PBX3: variants seen among roughly 807,000 people sequenced by gnomAD.
PBX3 encodes the protein pre-B-cell leukemia transcription factor 3.
PBX3 carries 14 observed loss-of-function variants against 48.5 expected under a neutral mutation model. The observed-to-expected ratio is 0.29, with a 90% CI of 0.19 to 0.45. The LOEUF (loss-of-function observed/expected upper bound fraction) is 0.45. PBX3 is among the 20% of genes least tolerant of loss of function. The pLI is 1.00. For missense variants in PBX3, 386 were observed against 546.7 expected (o/e 0.71, Z 2.93); for synonymous variants, 210 against 200.3 (o/e 1.05, Z -0.41).
chr9:125,857,382 G>A (rs751501972), intron 2 of PBX3, among the ~76,000 whole-genome samples: 5 of 152,046 alleles, frequency 3.3e-5, no homozygotes, highest in East Asian at 3.9e-4. Context: ...GGAGCATTTC[G>A]AATTTCAGAT....
chr9:125,820,660 T>C (rs1339225408), intron 2 of PBX3, among the ~76,000 whole-genome samples: 9 of 152,224 alleles, frequency 5.9e-5, no homozygotes, highest in Admixed American at 1.3e-4. Flanking sequence ...CAGAAGACAG[T>C]GATATAAATC....
intron 2 of PBX3, among the ~76,000 whole-genome samples, chr9:125,777,110 C>G (rs1482261959): frequency 1.3e-5 from 2 of 150,504 alleles, no homozygotes; most frequent in East Asian, 4.0e-4. Flanking sequence ...CTCCCAGGTT[C>G]AAGCGATTCT....
At chr9:125,945,134 G>A (rs113354797) in intron 5 of PBX3, among the ~76,000 whole-genome samples, 7,218 of 152,116 alleles carry the variant, frequency 0.047, 274 homozygotes, top group South Asian at 0.13. Flanking sequence ...TGAGGCAGGA[G>A]AATTGCTTGA....
At chr9:125,937,566 A>G (rs910753567) in intron 5 of PBX3, among the ~76,000 whole-genome samples, 1 of 152,232 alleles carries the variant, frequency 6.6e-6, no homozygotes, top group African/African-American at 2.4e-5. Flanking sequence ...AGAATTTCAG[A>G]AATAAGTTAT....
At position 125,899,450 on chromosome 9, in the gene PBX3, T is replaced by TAGAG. The variant is rs1345619408; in HGVS notation, c.275-16235_275-16234insGAGA. On this transcript the variant is annotated intron_variant, in intron 2 of 8. Transcript: ENST00000373489. ...GTCTATATATATGTGTGTATATATA[T>TAGAG]ATATAGAGAGAGAGAGAGAGAGAGA... Among the ~76,000 whole-genome samples the TAGAG allele has an allele frequency of 5.5e-4, 44 of 79,334 alleles. 1 individual carries two copies. Among genetic ancestry groups the TAGAG allele is most frequent in the African/African-American group, 1.9e-3 (33 of 17,572 alleles). 52.0% of individuals were successfully genotyped at this position (79,334 alleles called of 152,430 possible). A position where few individuals can be genotyped will look rare whatever the true frequency, so the allele number is the denominator to read the frequency against.
chr9:125,931,441 G>A (rs1841712046), intron 4 of PBX3, among the ~76,000 whole-genome samples: 1 of 152,032 alleles, frequency 6.6e-6, no homozygotes, highest in Non-Finnish European at 1.5e-5. Context: ...TAGCTGGGAG[G>A]CATTTGCCAC....
intron 2 of PBX3, among the ~76,000 whole-genome samples, chr9:125,753,380 C>T (rs1836427357): frequency 6.7e-6 from 1 of 150,318 alleles, no homozygotes; most frequent in African/African-American, 2.5e-5. Context: ...TTTTCTACTT[C>T]TTTATTCTTC....
At chr9:125,851,996 T>C (rs1839596126) in intron 2 of PBX3, among the ~76,000 whole-genome samples, 2 of 151,946 alleles carry the variant, frequency 1.3e-5, no homozygotes, top group African/African-American at 4.8e-5. Context: ...AGTTTAAAAT[T>C]CCCAAATGTG....
intron 2 of PBX3, among the ~76,000 whole-genome samples, chr9:125,766,227 C>T (rs935404703): frequency 6.6e-6 from 1 of 151,928 alleles, no homozygotes; most frequent in Non-Finnish European, 1.5e-5. Context: ...ATACTATATT[C>T]TTCTAATTCT....
At chr9:125,793,926 G>A (rs1469038392) in intron 2 of PBX3, among the ~76,000 whole-genome samples, 1 of 152,112 alleles carries the variant, frequency 6.6e-6, no homozygotes, top group Non-Finnish European at 1.5e-5. Context: ...TTTCCATTAT[G>A]AAGATTTAAA....
At chr9:125,764,323 C>A (rs1836748318) in intron 2 of PBX3, among the ~76,000 whole-genome samples, 1 of 152,210 alleles carries the variant, frequency 6.6e-6, no homozygotes, top group Non-Finnish European at 1.5e-5. Context: ...ATAATGAATT[C>A]TTCATCTGTG....
intron 2 of PBX3, among the ~76,000 whole-genome samples, chr9:125,873,979 A>T (rs1840188170): frequency 6.6e-6 from 1 of 152,156 alleles, no homozygotes; most frequent in Non-Finnish European, 1.5e-5. Flanking sequence ...AAGAAGGAAA[A>T]GATGCAGAGA....
intron 2 of PBX3, chr9:125,749,554 T>C (rs1422392865): frequency 6.6e-6 from 1 of 150,790 alleles, no homozygotes; most frequent in Non-Finnish European, 1.5e-5. Flanking sequence ...TCCTGTTCTT[T>C]TCTTTCTTTT....
intron 2 of PBX3, among the ~76,000 whole-genome samples, chr9:125,876,802 CTTT>C (rs59596389): frequency 0.04 from 5,176 of 128,878 alleles, 205 homozygotes; most frequent in East Asian, 0.17. Flanking sequence ...TTCTTTCTTT[CTTT>C]TTTTTTTTTT....
chr9:125,789,846 G>A (rs921218234), intron 2 of PBX3, among the ~76,000 whole-genome samples: 3 of 152,094 alleles, frequency 2.0e-5, no homozygotes, highest in African/African-American at 7.2e-5. Context: ...TTCCTAAAAA[G>A]TAAGAATTTA....
At chr9:125,851,745 T>G (rs1839585361) in intron 2 of PBX3, among the ~76,000 whole-genome samples, 1 of 152,134 alleles carries the variant, frequency 6.6e-6, no homozygotes, top group East Asian at 1.9e-4. Flanking sequence ...TAAGAACTTT[T>G]ATTATACTAT....
intron 5 of PBX3, among the ~76,000 whole-genome samples, chr9:125,953,164 C>T (rs561550833): frequency 1.3e-5 from 2 of 152,106 alleles, no homozygotes; most frequent in South Asian, 4.1e-4. Flanking sequence ...TTTAATCTCT[C>T]TCTCTCTCTT....
At chr9:125,919,507 C>G (rs10987030) in intron 3 of PBX3, among the ~76,000 whole-genome samples, 9,418 of 151,804 alleles carry the variant, frequency 0.062, 682 homozygotes, top group East Asian at 0.17. Context: ...CCGCGCCTGG[C>G]CAAAAACAAC....
intron 2 of PBX3, among the ~76,000 whole-genome samples, chr9:125,783,725 C>T (rs1837384515): frequency 6.6e-6 from 1 of 152,150 alleles, no homozygotes; most frequent in South Asian, 2.1e-4. Context: ...GGGCCGGGAG[C>T]AGCAGCTTCA....
Sources: allele counts gnomAD v4.1 joint callset (sites outside exome capture counted in the v4.1 genomes callset), GRCh38; gene constraint gnomAD v4.1.1; transcripts MANE v1.5; gene names NCBI Gene and HGNC (gene_info 2026-07-23, HGNC 2026-07-21).